The following CWC27 variants were observed in gnomAD, a reference collection of about 807,000 sequenced individuals.
CWC27 encodes the protein spliceosome-associated protein CWC27 homolog.
A neutral mutation model predicts 63.6 loss-of-function variants in CWC27; 47 were observed. The observed-to-expected ratio is 0.74, with a 90% CI of 0.58 to 0.94. The LOEUF (loss-of-function observed/expected upper bound fraction) is 0.94, where lower values mean the gene tolerates loss of function less well. CWC27 is among the 40% of genes least tolerant of loss of function. CWC27 has a pLI of 0.00. For synonymous variants in CWC27, 175 were observed against 179.8 expected, an observed-to-expected ratio of 0.97 and a Z score of 0.22; for missense variants, 495 against 554.3, an observed-to-expected ratio of 0.89 and a Z score of 1.07.
intron 3 of CWC27, among the ~76,000 whole-genome samples, chr5:64,782,583 A>C (rs1400547232): frequency 6.6e-6 from 1 of 152,220 alleles, no homozygotes; most frequent in African/African-American, 2.4e-5. Flanking sequence ...TGAAGATAAT[A>C]ACAACAGCAG....
In CWC27 at chr5:64,986,167, T is replaced by C. The variant is rs546675398; in HGVS notation, c.1256+8929T>C. On this transcript the variant is annotated intron_variant, in intron 13 of 13. Transcript: ENST00000381070. Reference sequence around the variant, plus strand: ...AAGTTTCCTGAGGCCTCCCCAGCCATGTGGAACATGAAAACATAAGTTTTC... The same window carrying C: ...AAGTTTCCTGAGGCCTCCCCAGCCACGTGGAACATGAAAACATAAGTTTTC... Among the ~76,000 whole-genome samples the C allele has an allele frequency of 9.8e-5, 15 of 152,312 alleles. No individual in the cohort carries two copies. The East Asian group carries it at 2.1e-3, about 22-fold the overall frequency.
intron 11 of CWC27, among the ~76,000 whole-genome samples, chr5:64,911,531 A>ATTTCACTT (rs1747785855): frequency 1.3e-5 from 2 of 152,208 alleles, no homozygotes; most frequent in Admixed American, 6.5e-5. Context: ...AAAGTGAAGA[A>ATTTCACTT]TTTCAAGGCT....
At chr5:64,991,452 C>T (rs1749534966) in intron 13 of CWC27, among the ~76,000 whole-genome samples, 1 of 152,252 alleles carries the variant, frequency 6.6e-6, no homozygotes, top group Non-Finnish European at 1.5e-5. Flanking sequence ...AGGCTGGGAG[C>T]TGTGGCTCAC....
At chr5:64,787,518 G>A (rs979137934) in intron 6 of CWC27, among the ~76,000 whole-genome samples, 1 of 151,426 alleles carries the variant, frequency 6.6e-6, no homozygotes, top group Non-Finnish European at 1.5e-5. Flanking sequence ...AATTTAACTT[G>A]TATTTAACTT....
chr5:64,846,962 C>G (rs1212210692), intron 10 of CWC27, among the ~76,000 whole-genome samples: 5 of 144,038 alleles, frequency 3.5e-5, no homozygotes, highest in African/African-American at 1.1e-4. Flanking sequence ...CCACTGCACT[C>G]CAGTCTGGGT....
At chr5:64,947,038 T>C (rs1245304869) in intron 11 of CWC27, among the ~76,000 whole-genome samples, 2 of 152,278 alleles carry the variant, frequency 1.3e-5, no homozygotes, top group East Asian at 3.9e-4. Context: ...TGGCCATTTA[T>C]TTGGCTTTCT....
chr5:64,865,317 C>T (rs1201937766), intron 10 of CWC27, among the ~76,000 whole-genome samples: 1 of 151,990 alleles, frequency 6.6e-6, no homozygotes, highest in Non-Finnish European at 1.5e-5. Flanking sequence ...CCCAAATGGC[C>T]CACTTCTCAG....
chr5:64,800,727 G>T lies in CWC27; in HGVS notation c.749+400G>T, dbSNP rs112935601. Among the ~76,000 whole-genome samples the T allele has an allele frequency of 6.0e-3, 920 of 152,194 alleles. 7 individuals are homozygous for T. The highest frequency in any genetic ancestry group is 0.022 in the African/African-American group (893 of 41,528). On this transcript the variant is annotated intron_variant, in intron 8 of 13. Transcript: ENST00000381070. ...TTTGTGAAGAAGTTACCAGTTTGGG[G>T]GCCAGTCCACTGACTATAAATTCTC...
chr5:65,018,031 A>T, intron 13 of CWC27, 128 bp from the exon 14 acceptor site: 1 of 787,434 alleles, frequency 1.3e-6, no homozygotes, highest in Non-Finnish European at 1.9e-6. Flanking sequence ...TGTAAGCACC[A>T]GTAAACAACA....
intron 13 of CWC27, among the ~76,000 whole-genome samples, chr5:65,017,304 G>A (rs577738831): frequency 4.6e-5 from 7 of 152,178 alleles, no homozygotes; most frequent in African/African-American, 1.7e-4. Flanking sequence ...CTGGGCAACA[G>A]AGTGAGACTC....
At chr5:64,984,782 T>A (rs1749393379) in intron 13 of CWC27, among the ~76,000 whole-genome samples, 2 of 152,324 alleles carry the variant, frequency 1.3e-5, no homozygotes, top group African/African-American at 4.8e-5. Context: ...AGTAAAAATA[T>A]TTAATATTGA....
intron 11 of CWC27, among the ~76,000 whole-genome samples, chr5:64,954,059 G>T (rs1243239514): frequency 6.6e-6 from 1 of 152,082 alleles, no homozygotes. Flanking sequence ...ATGTGAGATA[G>T]TGTAGGCACT....
chr5:64,904,516 ATATCC>A (rs1747582192), intron 11 of CWC27, among the ~76,000 whole-genome samples: 1 of 152,206 alleles, frequency 6.6e-6, no homozygotes, highest in Non-Finnish European at 1.5e-5. Context: ...TGCTGCTTTC[ATATCC>A]TTATGATATG....
chr5:64,983,830 T>TTTG (rs545767063), intron 13 of CWC27, among the ~76,000 whole-genome samples: 1,971 of 152,122 alleles, frequency 0.013, 40 homozygotes, highest in African/African-American at 0.044. Flanking sequence ...TTCTTTTACT[T>TTTG]TTGTTGTTGT....
chr5:64,875,864 A>T (rs911782712), intron 10 of CWC27, among the ~76,000 whole-genome samples: 1 of 152,110 alleles, frequency 6.6e-6, no homozygotes, highest in Non-Finnish European at 1.5e-5. Flanking sequence ...GGTGAAAGCA[A>T]TAATAATAAG....
rs760062719 is a variant in CWC27, at chr5:64,769,204, A to G, written c.42+16A>G. 1.9e-5 allele frequency: 31 copies of G among 1,613,500 alleles called. No individual in the cohort carries two copies. The highest frequency in any genetic ancestry group is 1.1e-4 in the East Asian group (5 of 44,882). On this transcript the variant is annotated intron_variant, in intron 1 of 13. Coordinates refer to ENST00000381070, the MANE Select transcript of CWC27 (RefSeq NM_005869.4). ...GAATGGGAAGGTGAGAGCCTCATCT[A>G]GGGAACTTGGGGTCCTGGGATCCCC... is the stretch of plus-strand genomic sequence containing the variant.
intron 10 of CWC27, among the ~76,000 whole-genome samples, chr5:64,863,563 T>C (rs917991829): frequency 6.6e-6 from 1 of 152,068 alleles, no homozygotes; most frequent in Non-Finnish European, 1.5e-5. Flanking sequence ...GGTGTGATCA[T>C]AGCTCACTGG....
intron 11 of CWC27, among the ~76,000 whole-genome samples, chr5:64,959,865 C>A (rs755928962): frequency 3.3e-5 from 5 of 152,170 alleles, no homozygotes; most frequent in Non-Finnish European, 5.9e-5. Flanking sequence ...ATATGCTAGG[C>A]CACAGTTCTT....
At chr5:64,983,178 A>G (rs183186795) in intron 13 of CWC27, among the ~76,000 whole-genome samples, 1 of 152,306 alleles carries the variant, frequency 6.6e-6, no homozygotes, top group East Asian at 1.9e-4. Flanking sequence ...TTTTGTTTAT[A>G]TGGAATATAT....
Sources: allele counts gnomAD v4.1 joint callset (sites outside exome capture counted in the v4.1 genomes callset), GRCh38; gene constraint gnomAD v4.1.1; transcripts MANE v1.5; gene names NCBI Gene and HGNC (gene_info 2026-07-23, HGNC 2026-07-21).